The following DNAH12 variants were observed in gnomAD, a reference collection of about 807,000 sequenced individuals.
DNAH12 encodes the protein axonemal beta dynein heavy chain 12.
DNAH12 carries 285 observed loss-of-function variants against 371.5 expected under a neutral mutation model. The observed-to-expected ratio is 0.77, with a 90% CI of 0.70 to 0.85. The LOEUF is 0.85. Ranked by LOEUF, DNAH12 falls within the 40% of genes least tolerant of loss-of-function variation. DNAH12 has a pLI of 0.00. For missense variants in DNAH12, 3,611 were observed against 3,689.4 expected (o/e 0.98, Z 0.55); for synonymous variants, 1,200 against 1,213.0 (o/e 0.99, Z 0.22).
At chr3:57,483,539 T>G (rs1310035536) in intron 12 of DNAH12, 28 bp from the exon 13 acceptor site, 1 of 1,523,428 alleles carries the variant, frequency 6.6e-7, no homozygotes, top group Non-Finnish European at 8.8e-7. Flanking sequence ...TTTAATAGAC[T>G]TATGGCAATT....
intron 45 of DNAH12, among the ~76,000 whole-genome samples, chr3:57,390,652 T>G (rs2063604503): frequency 2.0e-5 from 3 of 151,234 alleles, no homozygotes; most frequent in Non-Finnish European, 4.4e-5. Context: ...GAAGGTACCA[T>G]GAGCTACTGT....
chr3:57,464,418 C>T (rs984092648), intron 17 of DNAH12, among the ~76,000 whole-genome samples: 1 of 152,080 alleles, frequency 6.6e-6, no homozygotes, highest in South Asian at 2.1e-4. Flanking sequence ...TTAAGGGCAG[C>T]GCTCCCATCA....
intron 58 of DNAH12, among the ~76,000 whole-genome samples, chr3:57,361,803 CTAA>C (rs1483985815): frequency 1.3e-5 from 2 of 152,014 alleles, no homozygotes; most frequent in Non-Finnish European, 2.9e-5. Context: ...TCTGATACTT[CTAA>C]TAATACCTTA....
intron 11 of DNAH12, among the ~76,000 whole-genome samples, chr3:57,494,148 G>A (rs1467665041): frequency 6.6e-6 from 1 of 152,064 alleles, no homozygotes. Context: ...TGGGAAGATT[G>A]CTTGAGCCAG....
chr3:57,349,358 A>C (rs2062617599), intron 60 of DNAH12, among the ~76,000 whole-genome samples: 1 of 152,230 alleles, frequency 6.6e-6, no homozygotes, highest in Non-Finnish European at 1.5e-5. Flanking sequence ...GTACACTTTT[A>C]CACTGTTGGT....
chr3:57,353,797 G>A lies in DNAH12; in HGVS notation c.9534-1572C>T, dbSNP rs2062737667. On this transcript the variant is annotated intron_variant, in intron 59 of 73. Transcript: ENST00000495027. ...AAATGCTTAAAATCATTAAGCATTA[G>A]AGAAATGCAAATCAAAACCACAATG... Among the ~76,000 whole-genome samples the A allele has an allele frequency of 2.6e-5, 4 of 152,268 alleles. No homozygotes were observed. In the South Asian group the frequency reaches 8.3e-4, roughly 32 times the overall value.
intron 25 of DNAH12, among the ~76,000 whole-genome samples, chr3:57,452,015 C>G (rs1203680223): frequency 1.3e-5 from 2 of 152,164 alleles, no homozygotes; most frequent in African/African-American, 2.4e-5. Flanking sequence ...TGCTTTACCC[C>G]CTTTCGTTCC....
chr3:57,442,497 C>T (rs538929951), intron 29 of DNAH12, among the ~76,000 whole-genome samples: 2 of 152,240 alleles, frequency 1.3e-5, no homozygotes, highest in Admixed American at 1.3e-4. Context: ...ATACTGCAAC[C>T]TGTGGAGTGA....
At chr3:57,406,668 G>A (rs2064037830) in intron 40 of DNAH12, among the ~76,000 whole-genome samples, 1 of 152,096 alleles carries the variant, frequency 6.6e-6, no homozygotes, top group African/African-American at 2.4e-5. Flanking sequence ...TGAAGAGGAA[G>A]ATGAAATAAT....
intron 73 of DNAH12, among the ~76,000 whole-genome samples, chr3:57,294,609 G>T (rs2061195014): frequency 6.6e-6 from 1 of 152,134 alleles, no homozygotes; most frequent in South Asian, 2.1e-4. Flanking sequence ...AGGGAAGAAG[G>T]AATAAAATAC....
chr3:57,421,172 AT>A (rs1335503425), intron 36 of DNAH12, among the ~76,000 whole-genome samples: 8 of 152,114 alleles, frequency 5.3e-5, no homozygotes, highest in African/African-American at 1.9e-4. Flanking sequence ...AAAACTTGAG[AT>A]TTAAGTGAAA....
chr3:57,483,476 G>C lies in DNAH12; in HGVS notation c.1550C>G (p.Ala517Gly). The change falls in exon 13 of 74, where the codon GCA becomes GGA. Residue 517 changes from alanine to glycine, a missense_variant. Transcript: ENST00000495027. ...TTCTGTTGTTTCAGGGACTTTTAATGCATGTTCTTTAATTGCTTCAAATTC... is the reference window on the plus strand; with the variant it reads ...TTCTGTTGTTTCAGGGACTTTTAATCCATGTTCTTTAATTGCTTCAAATTC... Reference protein sequence around the residue: ...CSEFEAIKEHALKVPETTEEM... With the variant: ...CSEFEAIKEHGLKVPETTEEM... 2 of 1,550,898 alleles carry C rather than the reference G, an allele frequency of 1.3e-6. No homozygotes were observed. Among genetic ancestry groups the C allele is most frequent in the Non-Finnish European group, 1.7e-6 (2 of 1,146,730 alleles).
chr3:57,385,691 G>C (rs2063486853), intron 47 of DNAH12, among the ~76,000 whole-genome samples: 1 of 152,106 alleles, frequency 6.6e-6, no homozygotes, highest in Non-Finnish European at 1.5e-5. Flanking sequence ...AGATAAGCCT[G>C]GGGAACATGG....
rs543781944 is a variant in DNAH12 at position 57,526,921 on chromosome 3, G to A, written c.171-3037C>T. Among the ~76,000 whole-genome samples the A allele has an allele frequency of 2.6e-5, 4 of 151,580 alleles. No homozygotes were observed. The East Asian group carries it at 7.8e-4, about 30-fold the overall frequency. Reference sequence around the variant, plus strand: ...ACTATCTCAGCTCACTGCAACCTCCGCCTCCCAGGTTCAAGCAATTCTCCT... The same window carrying A: ...ACTATCTCAGCTCACTGCAACCTCCACCTCCCAGGTTCAAGCAATTCTCCT... On this transcript the variant is annotated intron_variant, in intron 2 of 73. Transcript: ENST00000495027.
chr3:57,317,040 G>A lies in DNAH12; in HGVS notation c.10525-2409C>T, dbSNP rs147650185. Among the ~76,000 whole-genome samples the A allele has an allele frequency of 1.1e-4, 17 of 152,210 alleles. 1 individual carries two copies. The highest frequency in any genetic ancestry group is 4.1e-4 in the African/African-American group (17 of 41,534). On this transcript the variant is annotated intron_variant, in intron 65 of 73. Coordinates refer to ENST00000495027, the MANE Select transcript of DNAH12 (RefSeq NM_001366028.2). ...TGTGCAAATGATACCTATATTAGAG[G>A]ACTGTTGCAAGGCTTATATATTTAA...
At chr3:57,543,220 C>G (rs528970962) in intron 1 of DNAH12, among the ~76,000 whole-genome samples, 5 of 151,654 alleles carry the variant, frequency 3.3e-5, no homozygotes, top group Non-Finnish European at 5.9e-5. Context: ...AAAATTTTCC[C>G]GAGATGCAAA....
At chr3:57,379,676 A>T (rs1386361598) in intron 51 of DNAH12, among the ~76,000 whole-genome samples, 1 of 151,746 alleles carries the variant, frequency 6.6e-6, no homozygotes, top group Non-Finnish European at 1.5e-5. Flanking sequence ...CCCTGTCTCT[A>T]CTAATAGTAC....
At chr3:57,478,933 A>G (rs1437807839) in intron 13 of DNAH12, among the ~76,000 whole-genome samples, 1 of 152,206 alleles carries the variant, frequency 6.6e-6, no homozygotes, top group African/African-American at 2.4e-5. Flanking sequence ...AGCGCTAAAC[A>G]TGGAAAGGAA....
intron 69 of DNAH12, among the ~76,000 whole-genome samples, chr3:57,307,704 C>T (rs2061500312): frequency 6.6e-6 from 1 of 152,180 alleles, no homozygotes; most frequent in Non-Finnish European, 1.5e-5. Flanking sequence ...CCACAATTAC[C>T]ATTGTTCCTG....
Sources: gnomAD v4.1 joint callset for allele counts (sites outside exome capture counted in the v4.1 genomes callset) on GRCh38, gnomAD v4.1.1 for gene constraint, MANE v1.5 for transcripts, NCBI Gene and HGNC (gene_info 2026-07-23, HGNC 2026-07-21) for gene names.